Variants in MAML3 observed in about 807,000 individuals in gnomAD.
MAML3 encodes the protein mastermind-like protein 3.
In MAML3, 27 loss-of-function variants were observed where a neutral mutation model predicts 101.9. That is an observed-to-expected ratio of 0.27 (90% CI 0.20 to 0.37). The LOEUF is 0.37. MAML3 is among the 10% of genes least tolerant of loss of function. The pLI, the probability that MAML3 is intolerant of heterozygous loss-of-function variation, is 1.00. For synonymous variants in MAML3, 501 were observed against 555.9 expected (o/e 0.90, Z 1.39); for missense variants, 1,316 against 1,444.9 (o/e 0.91, Z 1.45).
intron 2 of MAML3, among the ~76,000 whole-genome samples, chr4:139,750,378 G>A (rs995547450): frequency 1.3e-5 from 2 of 152,178 alleles, no homozygotes; most frequent in African/African-American, 4.8e-5. Flanking sequence ...GCGGTGGGTC[G>A]TGAGTCCTCC....
Position 139,890,582 on chromosome 4 carries a change from A to T in MAML3, c.854T>A (p.Ile285Lys). 1 of 1,614,032 alleles carries T rather than the reference A, an allele frequency of 6.2e-7. No individual in the cohort carries two copies. Among genetic ancestry groups the T allele is most frequent in the South Asian group, 1.1e-5 (1 of 91,084 alleles). ...TGAAAGAGATGTTTCTGATGTGTCT[A>T]TGCAAGTAGGGTCATCGAGAGGTTC... ...KQEPLDDPTC[I>K]DTSETSLSNQ... Residue 285 changes from isoleucine (I) to lysine (K), a missense_variant, in exon 2 of 5, where the codon ATA (isoleucine) becomes AAA (lysine). Ile to Lys is a moderately radical substitution (Grantham distance 102). Transcript: ENST00000509479. The surrounding 1 kb of genome is among the most constrained non-coding windows in gnomAD (Gnocchi z 4.1).
intron 3 of MAML3, among the ~76,000 whole-genome samples, chr4:139,729,293 C>T (rs1277180306): frequency 1.3e-5 from 2 of 151,914 alleles, no homozygotes; most frequent in Non-Finnish European, 2.9e-5. Flanking sequence ...CCGTGTCCTA[C>T]ACAGGATACA....
chr4:140,027,708 T>C (rs997931232), intron 1 of MAML3, among the ~76,000 whole-genome samples: 3 of 152,216 alleles, frequency 2.0e-5, no homozygotes, highest in Non-Finnish European at 2.9e-5. Context: ...CCATTTATCA[T>C]TACACTTTCA....
In MAML3 at chr4:140,092,076, G is replaced by GTATATATATACGTATATATATA. The variant is rs1553974722; in HGVS notation, c.468+60762_468+60783dup. On this transcript the variant is annotated intron_variant, in intron 1 of 4. Transcript: ENST00000509479. ...AGATAAAAACTTTATATATATATAC[G>GTATATATATACGTATATATATA]TATATATATACGTATATATATATAT... Among the ~76,000 whole-genome samples, 60 of 64,038 alleles carry GTATATATATACGTATATATATA rather than the reference G, an allele frequency of 9.4e-4. 1 individual carries two copies. Among genetic ancestry groups the GTATATATATACGTATATATATA allele is most frequent in the Non-Finnish European group, 2.0e-3 (44 of 22,448 alleles). 42.0% of individuals were successfully genotyped at this position (64,038 alleles called of 152,430 possible).
chr4:140,080,227 G>C (rs1432557473), intron 1 of MAML3, among the ~76,000 whole-genome samples: 1 of 152,252 alleles, frequency 6.6e-6, no homozygotes, highest in Admixed American at 6.5e-5. Context: ...GGAGCTTGAA[G>C]GAGCTAGCAC....
chr4:140,077,153 AT>A (rs556326939), intron 1 of MAML3, among the ~76,000 whole-genome samples: 3 of 152,202 alleles, frequency 2.0e-5, no homozygotes, highest in Non-Finnish European at 4.4e-5. Flanking sequence ...AAGTGCTGGG[AT>A]TACAAGCATG....
chr4:140,054,656 A>T (rs769463999), intron 1 of MAML3, among the ~76,000 whole-genome samples: 5 of 152,216 alleles, frequency 3.3e-5, no homozygotes, highest in Non-Finnish European at 7.3e-5. Context: ...CATCTATGAC[A>T]GTATGGGGAA....
Position 139,734,265 on chromosome 4 carries a change from TAAG to T in MAML3, c.2080-3601_2080-3599del, listed in dbSNP as rs1289775112. On this transcript the variant is annotated intron_variant, in intron 2 of 4. Coordinates refer to ENST00000509479, the MANE Select transcript of MAML3 (RefSeq NM_018717.5). ...GATTTCAAGCCACTGCTCTTGTTTC[TAAG>T]AAGGACACACACTGTGTTGTGCAAT... Among the ~76,000 whole-genome samples the T allele has an allele frequency of 2.0e-5, 3 of 152,336 alleles. No homozygotes were observed. The East Asian group carries it at 5.8e-4, about 29-fold the overall frequency.
At chr4:139,752,738 C>T (rs1214667275) in intron 2 of MAML3, among the ~76,000 whole-genome samples, 1 of 152,006 alleles carries the variant, frequency 6.6e-6, no homozygotes, top group Non-Finnish European at 1.5e-5. Flanking sequence ...AAGATCGCAG[C>T]ACTAACACCT....
chr4:140,011,165 TGAC>T (rs367750520), intron 1 of MAML3, among the ~76,000 whole-genome samples: 2 of 81,234 alleles, frequency 2.5e-5, no homozygotes, highest in Non-Finnish European at 4.8e-5. Context: ...TTTATATATA[TGAC>T]ATATATGTCA....
At chr4:139,759,519 G>C (rs1306112351) in intron 2 of MAML3, among the ~76,000 whole-genome samples, 1 of 152,154 alleles carries the variant, frequency 6.6e-6, no homozygotes, top group Admixed American at 6.5e-5. Context: ...TCCTGCTCTA[G>C]GTGTGGAAGA....
chr4:139,860,633 C>T (rs1163672554), intron 2 of MAML3, among the ~76,000 whole-genome samples: 3 of 152,338 alleles, frequency 2.0e-5, no homozygotes, highest in South Asian at 2.1e-4. Context: ...GTGACGTCAT[C>T]AATCTTCTGA....
chr4:139,770,135 T>G (rs901328181), intron 2 of MAML3, among the ~76,000 whole-genome samples: 10 of 152,114 alleles, frequency 6.6e-5, no homozygotes, highest in African/African-American at 2.4e-4. Context: ...CCTCACTATG[T>G]TGCCCAGGTT....
chr4:139,931,424 C>G (rs1032747313), intron 1 of MAML3, among the ~76,000 whole-genome samples: 5 of 152,180 alleles, frequency 3.3e-5, no homozygotes, highest in African/African-American at 1.2e-4. Context: ...TTACCTTGTA[C>G]CGTCTAAAAA....
intron 1 of MAML3, among the ~76,000 whole-genome samples, chr4:139,932,627 TC>T (rs1309258267): frequency 1.3e-5 from 2 of 152,180 alleles, no homozygotes; most frequent in African/African-American, 4.8e-5. Flanking sequence ...TCTTTGCTAG[TC>T]CAAGGAGATA....
chr4:140,006,307 C>T (rs1034461229), intron 1 of MAML3, among the ~76,000 whole-genome samples: 4 of 151,970 alleles, frequency 2.6e-5, no homozygotes, highest in South Asian at 2.1e-4. Context: ...GGAAACAGGC[C>T]GGGTGCGGTT....
At chr4:139,946,602 GA>G (rs1410440198) in intron 1 of MAML3, among the ~76,000 whole-genome samples, 2 of 151,888 alleles carry the variant, frequency 1.3e-5, no homozygotes, top group Non-Finnish European at 2.9e-5. Context: ...TTTCATGCCA[GA>G]AAAAAATTTT....
intron 2 of MAML3, among the ~76,000 whole-genome samples, chr4:139,869,098 A>G (rs1472267862): frequency 2.0e-5 from 3 of 152,220 alleles, no homozygotes; most frequent in Non-Finnish European, 4.4e-5. Context: ...TTTCAATCCC[A>G]TGTTTGTGTG....
At chr4:140,067,147 A>G (rs1727549843) in intron 1 of MAML3, among the ~76,000 whole-genome samples, 1 of 152,158 alleles carries the variant, frequency 6.6e-6, no homozygotes. Flanking sequence ...ATAGTAATCA[A>G]TGAAGTCACT....
Sources: allele counts gnomAD v4.1 joint callset (sites outside exome capture counted in the v4.1 genomes callset), GRCh38; gene constraint gnomAD v4.1.1; non-coding constraint Gnocchi (gnomAD v3.1); transcripts MANE v1.5; gene names NCBI Gene and HGNC (gene_info 2026-07-23, HGNC 2026-07-21).